NXPH1: variants seen among roughly 807,000 people sequenced by gnomAD.
NXPH1 encodes the protein neurexophilin-1.
Under a neutral mutation model 23.7 loss-of-function variants are expected in NXPH1, and 5 were observed. The observed-to-expected ratio is 0.21, with a 90% CI of 0.11 to 0.44. The LOEUF is 0.44. NXPH1 is among the 20% of genes least tolerant of loss of function. The pLI is 0.99. For synonymous variants in NXPH1, 144 were observed against 122.2 expected, an observed-to-expected ratio of 1.18 and a Z score of -1.18; for missense variants, 324 against 321.6, an observed-to-expected ratio of 1.01 and a Z score of -0.06.
chr7:8,722,697 G>C (rs992854111), intron 2 of NXPH1, among the ~76,000 whole-genome samples: 1 of 152,198 alleles, frequency 6.6e-6, no homozygotes, highest in African/African-American at 2.4e-5. Flanking sequence ...AAGCTCTGAA[G>C]AAGACGTTAA....
intron 2 of NXPH1, among the ~76,000 whole-genome samples, chr7:8,548,424 A>G (rs546077331): frequency 6.6e-6 from 1 of 151,654 alleles, no homozygotes; most frequent in East Asian, 2.0e-4. Flanking sequence ...GACAGCCACT[A>G]TTAGGTTATT....
chr7:8,644,501 C>G (rs1414945345), intron 2 of NXPH1, among the ~76,000 whole-genome samples: 1 of 152,084 alleles, frequency 6.6e-6, no homozygotes, highest in East Asian at 1.9e-4. Flanking sequence ...AGAAATCCTT[C>G]TGTATTTCTG....
chr7:8,733,047 G>A (rs866985303), intron 2 of NXPH1, among the ~76,000 whole-genome samples: 2 of 151,422 alleles, frequency 1.3e-5, no homozygotes, highest in East Asian at 3.9e-4. Context: ...TACCTGACAG[G>A]CCCCCTGTGT....
At chr7:8,473,450 T>C (rs937840265) in intron 2 of NXPH1, among the ~76,000 whole-genome samples, 2 of 152,178 alleles carry the variant, frequency 1.3e-5, no homozygotes, top group Non-Finnish European at 2.9e-5. Flanking sequence ...TCTAGTGTCC[T>C]ATACCCCCTG....
At chr7:8,700,250 C>A (rs900712215) in intron 2 of NXPH1, among the ~76,000 whole-genome samples, 10 of 152,086 alleles carry the variant, frequency 6.6e-5, no homozygotes, top group Non-Finnish European at 1.3e-4. Context: ...TTACATATTG[C>A]CTAAGAAGGA....
At chr7:8,561,107 C>T (rs577886119) in intron 2 of NXPH1, among the ~76,000 whole-genome samples, 2 of 151,758 alleles carry the variant, frequency 1.3e-5, no homozygotes, top group South Asian at 4.1e-4. Flanking sequence ...TCTATATACT[C>T]TCCCAGTAGG....
intron 2 of NXPH1, among the ~76,000 whole-genome samples, chr7:8,565,655 G>A (rs1000754578): frequency 2.0e-5 from 3 of 151,688 alleles, no homozygotes; most frequent in East Asian, 1.9e-4. Context: ...TTTGACTTAC[G>A]CCACATCTTT....
chr7:8,451,722 T>C (rs1318143044), intron 2 of NXPH1, among the ~76,000 whole-genome samples: 4 of 152,212 alleles, frequency 2.6e-5, no homozygotes, highest in Admixed American at 2.6e-4. Context: ...ACAACCCTCC[T>C]CTTATATTCA....
chr7:8,531,219 C>A (rs1002287447), intron 2 of NXPH1, among the ~76,000 whole-genome samples: 5 of 152,070 alleles, frequency 3.3e-5, no homozygotes, highest in African/African-American at 1.2e-4. Context: ...TAACTATGAG[C>A]TATTATTTTT....
chr7:8,707,984 G>A (rs1779729304), intron 2 of NXPH1, among the ~76,000 whole-genome samples: 2 of 151,716 alleles, frequency 1.3e-5, no homozygotes, highest in South Asian at 4.2e-4. Flanking sequence ...ACTTTGCTAG[G>A]ATACAAAACA....
At chr7:8,623,111 G>A (rs971344360) in intron 2 of NXPH1, among the ~76,000 whole-genome samples, 5 of 152,158 alleles carry the variant, frequency 3.3e-5, no homozygotes, top group African/African-American at 1.2e-4. Flanking sequence ...AATCACAGAA[G>A]TGGGTCAGGG....
At chr7:8,576,702 T>C (rs1427683698) in intron 2 of NXPH1, among the ~76,000 whole-genome samples, 1 of 152,104 alleles carries the variant, frequency 6.6e-6, no homozygotes, top group Non-Finnish European at 1.5e-5. Context: ...GAGATAGTGA[T>C]TTATTAGATA....
chr7:8,446,184 G>C (rs897380146), intron 2 of NXPH1, among the ~76,000 whole-genome samples: 3 of 152,186 alleles, frequency 2.0e-5, no homozygotes, highest in African/African-American at 7.2e-5. Flanking sequence ...TGAAATATTT[G>C]ATTGTTTTGA....
chr7:8,623,912 A>G (rs1819934284), intron 2 of NXPH1, among the ~76,000 whole-genome samples: 1 of 152,080 alleles, frequency 6.6e-6, no homozygotes, highest in Admixed American at 6.6e-5. Context: ...AGATCCAGAT[A>G]TGGATCTAGA....
chr7:8,712,103 G>A (rs1161491597), intron 2 of NXPH1, among the ~76,000 whole-genome samples: 4 of 152,174 alleles, frequency 2.6e-5, no homozygotes, highest in Non-Finnish European at 5.9e-5. Flanking sequence ...ACTGACATGT[G>A]CTAATGTGAC....
rs570505484 is a variant in NXPH1, at chr7:8,651,504, G to C, written c.55-99504G>C. Reference sequence around the variant, plus strand: ...ATATACCCAGTAATGGGATGGCTGGGTCAAATGGTATTTCTAGTTCTAGAT... The same window carrying C: ...ATATACCCAGTAATGGGATGGCTGGCTCAAATGGTATTTCTAGTTCTAGAT... On this transcript the variant is annotated intron_variant, in intron 2 of 2. Coordinates refer to ENST00000405863, the MANE Select transcript of NXPH1 (RefSeq NM_152745.3). Among the ~76,000 whole-genome samples the C allele has an allele frequency of 2.2e-3, 334 of 151,300 alleles. 4 individuals carry two copies. The highest frequency in any genetic ancestry group is 7.5e-3 in the African/African-American group (308 of 41,234).
chr7:8,618,767 A>G (rs1429360467), intron 2 of NXPH1, among the ~76,000 whole-genome samples: 1 of 152,202 alleles, frequency 6.6e-6, no homozygotes, highest in African/African-American at 2.4e-5. Flanking sequence ...CAATATCTTT[A>G]TATGTTGAAT....
At chr7:8,446,508 G>C (rs992459484) in intron 2 of NXPH1, among the ~76,000 whole-genome samples, 6 of 152,086 alleles carry the variant, frequency 3.9e-5, no homozygotes, top group African/African-American at 1.4e-4. Flanking sequence ...TTGATATTCT[G>C]TATGCATTTT....
At chr7:8,481,427 TTTTGA>T (rs1233781287) in intron 2 of NXPH1, among the ~76,000 whole-genome samples, 1 of 152,156 alleles carries the variant, frequency 6.6e-6, no homozygotes, top group Non-Finnish European at 1.5e-5. Flanking sequence ...GTGAAAGATC[TTTTGA>T]TTTGAGGGTT....
Sources: allele counts gnomAD v4.1 joint callset (sites outside exome capture counted in the v4.1 genomes callset), GRCh38; gene constraint gnomAD v4.1.1; transcripts MANE v1.5; gene names NCBI Gene and HGNC (gene_info 2026-07-23, HGNC 2026-07-21).